The following FOXP2 variants were observed in gnomAD, a reference collection of about 807,000 sequenced individuals.
FOXP2 encodes the protein forkhead box P2.
FOXP2 carries 12 observed loss-of-function variants against 115.8 expected under a neutral mutation model. That is an observed-to-expected ratio of 0.10 (90% CI 0.07 to 0.17). The LOEUF (loss-of-function observed/expected upper bound fraction) is 0.17, where lower values mean the gene tolerates loss of function less well. FOXP2 is among the 10% of genes least tolerant of loss of function. The probability of loss-of-function intolerance (pLI) is 1.00; values close to 1 mark genes in which losing one functional copy is unlikely to be tolerated. For missense variants in FOXP2, 629 were observed against 843.5 expected (o/e 0.75, Z 3.15); for synonymous variants, 328 against 297.7 (o/e 1.10, Z -1.05).
Position 114,542,801 on chromosome 7 carries a change from T to G in FOXP2, c.258+8095T>G, listed in dbSNP as rs776470081. Reference sequence around the variant, plus strand: ...TTTTTGTTTTTGTTTTTTGTTTTTTTTTTTTTTGAGGCAGAATCTCACTCT... The same window carrying G: ...TTTTTGTTTTTGTTTTTTGTTTTTTGTTTTTTTGAGGCAGAATCTCACTCT... On this transcript the variant is annotated intron_variant, in intron 3 of 16. Coordinates refer to ENST00000350908, the MANE Select transcript of FOXP2 (RefSeq NM_014491.4). Among the ~76,000 whole-genome samples the G allele has an allele frequency of 1.3e-3, 203 of 151,486 alleles. 1 individual carries two copies. Among genetic ancestry groups the G allele is most frequent in the Non-Finnish European group, 9.0e-4 (61 of 67,788 alleles).
chr7:114,198,924 T>C (rs752594727), intron 1 of FOXP2, among the ~76,000 whole-genome samples: 5 of 152,216 alleles, frequency 3.3e-5, no homozygotes, highest in Non-Finnish European at 5.9e-5. Context: ...GGAGGCAGAA[T>C]TTCCTCTTTT....
chr7:114,404,142 G>T (rs1221649628), intron 2 of FOXP2, among the ~76,000 whole-genome samples: 2 of 152,096 alleles, frequency 1.3e-5, no homozygotes, highest in Non-Finnish European at 2.9e-5. Flanking sequence ...TGGGTTGGGG[G>T]AGAGGAATAA....
At position 114,608,973 on chromosome 7, in the gene FOXP2, C is replaced by T. The variant is rs185068032; in HGVS notation, c.259-19567C>T. On this transcript the variant is annotated intron_variant, in intron 3 of 16. Transcript: ENST00000350908. ...CAGCACTTTGGAAGGCCGAGGCGGG[C>T]GGATCACCTGAGGTCAGGGTTTCGA... Among the ~76,000 whole-genome samples the T allele has an allele frequency of 1.1e-3, 162 of 151,870 alleles. 2 individuals are homozygous for T. The highest frequency in any genetic ancestry group is 3.5e-3 in the African/African-American group (145 of 41,436).
At chr7:114,291,985 A>AAT (rs3997265) in intron 2 of FOXP2, among the ~76,000 whole-genome samples, 1,997 of 33,154 alleles carry the variant, frequency 0.06, 158 homozygotes, top group Non-Finnish European at 0.11. Context: ...TAATATATAG[A>AAT]ATATATATTA....
At chr7:114,601,501 GTTA>G (rs1434153653) in intron 3 of FOXP2, among the ~76,000 whole-genome samples, 1 of 151,906 alleles carries the variant, frequency 6.6e-6, no homozygotes, top group Non-Finnish European at 1.5e-5. Context: ...TATTCTTAAC[GTTA>G]TTATTTCTTT....
chr7:114,142,583 A>G (rs1034979523), intron 1 of FOXP2, among the ~76,000 whole-genome samples: 23 of 152,232 alleles, frequency 1.5e-4, no homozygotes, highest in Admixed American at 1.0e-3. Flanking sequence ...TTTATATTAT[A>G]TTATACCATT....
chr7:114,567,426 T>C (rs1801080653), intron 3 of FOXP2, among the ~76,000 whole-genome samples: 1 of 152,092 alleles, frequency 6.6e-6, no homozygotes, highest in South Asian at 2.1e-4. Flanking sequence ...GCATACTATC[T>C]CCAGAGCCAG....
intron 1 of FOXP2, among the ~76,000 whole-genome samples, chr7:114,201,196 C>T (rs1245081502): frequency 6.6e-6 from 1 of 152,102 alleles, no homozygotes; most frequent in African/African-American, 2.4e-5. Flanking sequence ...TTTGGCTGGG[C>T]ATGCTGGCTC....
At chr7:114,630,091 T>C in intron 5 of FOXP2, 86 bp downstream of exon 5, 1 of 1,597,626 alleles carries the variant, frequency 6.3e-7, no homozygotes, top group African/African-American at 1.3e-5. Context: ...GATCTTCCTA[T>C]AACAAGGCTC....
At chr7:114,422,002 G>A (rs1793643915) in intron 1 of FOXP2, among the ~76,000 whole-genome samples, 1 of 151,584 alleles carries the variant, frequency 6.6e-6, no homozygotes, top group Non-Finnish European at 1.5e-5. Flanking sequence ...TGTTACATAT[G>A]TTAAGTTTTC....
At chr7:114,324,024 T>C (rs528961188) in intron 2 of FOXP2, among the ~76,000 whole-genome samples, 1 of 152,026 alleles carries the variant, frequency 6.6e-6, no homozygotes, top group East Asian at 1.9e-4. Flanking sequence ...TGTCACCATA[T>C]GTTTGACTTT....
In FOXP2 at chr7:114,664,257, A is replaced by G; in HGVS notation, c.1840-16A>G. The G allele has an allele frequency of 6.2e-7, 1 of 1,612,132 alleles. No homozygotes were observed. Among genetic ancestry groups the G allele is most frequent in the Non-Finnish European group, 8.5e-7 (1 of 1,179,448 alleles). ...GCCATTTTGAAAGTTGTTTTACACA[A>G]TCTTCATTTCACTAGGCTGCCTTGG... On this transcript the variant is annotated splice_polypyrimidine_tract_variant and intron_variant, in intron 15 of 16. Transcript: ENST00000350908.
intron 3 of FOXP2, among the ~76,000 whole-genome samples, chr7:114,623,224 A>G (rs1018137062): frequency 2.6e-5 from 4 of 151,992 alleles, no homozygotes; most frequent in East Asian, 1.9e-4. Flanking sequence ...CTTCTTTCCA[A>G]TGATTTTAGG....
intron 16 of FOXP2, among the ~76,000 whole-genome samples, chr7:114,682,375 T>C (rs1426127021): frequency 6.6e-6 from 1 of 152,190 alleles, no homozygotes; most frequent in Non-Finnish European, 1.5e-5. Context: ...GTAAATTATA[T>C]TCTTATAATT....
At chr7:114,327,828 CT>C (rs962732938) in intron 2 of FOXP2, among the ~76,000 whole-genome samples, 6 of 149,728 alleles carry the variant, frequency 4.0e-5, no homozygotes, top group Admixed American at 1.3e-4. Context: ...TTTGTCTTGT[CT>C]TTTTTTTTCT....
intron 2 of FOXP2, among the ~76,000 whole-genome samples, chr7:114,509,835 C>G (rs1356899629): frequency 6.6e-6 from 1 of 151,238 alleles, no homozygotes; most frequent in Non-Finnish European, 1.5e-5. Flanking sequence ...CATATAGATG[C>G]TATTCAAGAT....
intron 2 of FOXP2, among the ~76,000 whole-genome samples, chr7:114,378,882 G>A (rs1792211143): frequency 1.3e-5 from 2 of 148,228 alleles, no homozygotes; most frequent in Admixed American, 1.4e-4. Context: ...TAACATCCAT[G>A]ATCAATTGTA....
chr7:114,087,179 C>CTA (rs781562481), upstream of FOXP2, among the ~76,000 whole-genome samples: 4 of 152,154 alleles, frequency 2.6e-5, no homozygotes, highest in Admixed American at 6.5e-5. Flanking sequence ...CTTCTCGCGT[C>CTA]TAAGTTGGGC....
chr7:114,180,078 A>C (rs1793418536), intron 1 of FOXP2, among the ~76,000 whole-genome samples: 1 of 151,968 alleles, frequency 6.6e-6, no homozygotes, highest in Non-Finnish European at 1.5e-5. Flanking sequence ...GGTCTACCTT[A>C]GTGGATGTCA....
Sources: gnomAD v4.1 joint callset for allele counts (sites outside exome capture counted in the v4.1 genomes callset) on GRCh38, gnomAD v4.1.1 for gene constraint, MANE v1.5 for transcripts, NCBI Gene and HGNC (gene_info 2026-07-23, HGNC 2026-07-21) for gene names.